The following EDNRB variants were observed in gnomAD, a reference collection of about 807,000 sequenced individuals.
EDNRB encodes Hirschsprung disease 2.
Under a neutral mutation model 46.4 loss-of-function variants are expected in EDNRB, and 18 were observed. That is an observed-to-expected ratio of 0.39 (90% CI 0.27 to 0.57). The LOEUF (loss-of-function observed/expected upper bound fraction) is 0.57, where lower values mean the gene tolerates loss of function less well. Ranked by LOEUF, EDNRB falls within the 20% of genes least tolerant of loss-of-function variation. The probability of loss-of-function intolerance (pLI) is 0.61; values close to 1 mark genes in which losing one functional copy is unlikely to be tolerated. For missense variants in EDNRB, 434 were observed against 537.5 expected (o/e 0.81, Z 1.90); for synonymous variants, 213 against 204.9 (o/e 1.04, Z -0.34).
At chr13:77,963,496 C>G in intron 1 of EDNRB, among the ~76,000 whole-genome samples, 1 of 152,028 alleles carries the variant, frequency 6.6e-6, no homozygotes, top group East Asian at 1.9e-4. Context: ...CTTTGATAAA[C>G]CTGAGAAAAA....
intron 1 of EDNRB, among the ~76,000 whole-genome samples, chr13:77,941,917 G>C (rs1880759733): frequency 6.6e-6 from 1 of 152,222 alleles, no homozygotes; most frequent in African/African-American, 2.4e-5. Context: ...TCAGTGCAGA[G>C]AGATGGAAGA....
At chr13:77,915,694 G>A (rs1879775795) in intron 1 of EDNRB, among the ~76,000 whole-genome samples, 1 of 152,194 alleles carries the variant, frequency 6.6e-6, no homozygotes. Flanking sequence ...CCATTATTAT[G>A]ATATTGTGTC....
At chr13:77,953,140 C>A (rs543945718) in intron 1 of EDNRB, among the ~76,000 whole-genome samples, 1 of 152,272 alleles carries the variant, frequency 6.6e-6, no homozygotes, top group African/African-American at 2.4e-5. Flanking sequence ...CTACCCCAAA[C>A]AACACCTCAG....
chr13:77,926,615 C>G (rs1164686082), intron 1 of EDNRB, among the ~76,000 whole-genome samples: 1 of 152,216 alleles, frequency 6.6e-6, no homozygotes. Flanking sequence ...CGACAAGTCT[C>G]TAGGAAGTTC....
intron 1 of EDNRB, among the ~76,000 whole-genome samples, chr13:77,965,313 A>G (rs2137689584): frequency 6.6e-6 from 1 of 152,314 alleles, no homozygotes; most frequent in Non-Finnish European, 1.5e-5. Context: ...AGTATTAGGG[A>G]TAAGTGTGAA....
rs199583819 is a variant in EDNRB at position 77,896,492 on chromosome 13, C to T, written c.*1708G>A. ...GGCCACATTGTTGGGTTTTGGTTTA[C>T]TGTACCATCACATTCAATATTGACA... On this transcript the variant is annotated 3_prime_UTR_variant, in exon 7 of 7. Transcript: ENST00000646607. 3.2e-5 allele frequency: 51 copies of T among 1,582,070 alleles called. No individual in the cohort carries two copies. The South Asian group carries it at 5.9e-4, about 18-fold the overall frequency.
intron 1 of EDNRB, among the ~76,000 whole-genome samples, chr13:77,947,334 C>A (rs892484266): frequency 6.7e-6 from 1 of 150,200 alleles, no homozygotes; most frequent in African/African-American, 2.5e-5. Context: ...CATGGTTTTG[C>A]CATGTTGGGC....
intron 1 of EDNRB, among the ~76,000 whole-genome samples, chr13:77,974,229 T>A (rs1484769473): frequency 6.6e-6 from 1 of 152,172 alleles, no homozygotes; most frequent in Non-Finnish European, 1.5e-5. Context: ...AGTAAGCTAC[T>A]TTTTTGCTTT....
rs1880482540 is a variant in EDNRB, at chr13:77,934,130, G to A, written c.-51-15506C>T. Among the ~76,000 whole-genome samples the A allele has an allele frequency of 5.3e-5, 8 of 152,216 alleles. 1 individual carries two copies. The highest frequency in any genetic ancestry group is 5.2e-4 in the Admixed American group (8 of 15,278). ...CAGCGTAAACCATCAGTGTAATCAA[G>A]AGCAGGGCATGTATGCGTAGTTGAG... On this transcript the variant is annotated intron_variant, in intron 1 of 7. Transcript: ENST00000646948.
chr13:77,936,135 C>T (rs1880555972), intron 1 of EDNRB, among the ~76,000 whole-genome samples: 2 of 151,878 alleles, frequency 1.3e-5, no homozygotes, highest in African/African-American at 2.4e-5. Flanking sequence ...CATGATCAGT[C>T]GCTAAGGAGG....
At chr13:77,968,809 T>C (rs1276809810) in intron 1 of EDNRB, among the ~76,000 whole-genome samples, 1 of 152,182 alleles carries the variant, frequency 6.6e-6, no homozygotes, top group Non-Finnish European at 1.5e-5. Flanking sequence ...TTTATTCTGA[T>C]ACACAGGCAA....
intron 1 of EDNRB, among the ~76,000 whole-genome samples, chr13:77,965,471 A>G (rs575334266): frequency 6.6e-6 from 1 of 152,314 alleles, no homozygotes. Flanking sequence ...TGTGGAGAGC[A>G]GAAAGATATG....
chr13:77,944,182 G>A (rs1447830769), intron 1 of EDNRB, among the ~76,000 whole-genome samples: 1 of 152,080 alleles, frequency 6.6e-6, no homozygotes, highest in Non-Finnish European at 1.5e-5. Flanking sequence ...CAGGTTGTAT[G>A]ACCAGACATA....
intron 1 of EDNRB, among the ~76,000 whole-genome samples, chr13:77,952,793 T>C (rs1398201556): frequency 6.6e-6 from 1 of 152,220 alleles, no homozygotes; most frequent in African/African-American, 2.4e-5. Flanking sequence ...TGTATTGCTC[T>C]GTAGATTGAT....
chr13:77,949,760 G>C (rs1015827718), intron 1 of EDNRB, among the ~76,000 whole-genome samples: 1 of 152,172 alleles, frequency 6.6e-6, no homozygotes, highest in Non-Finnish European at 1.5e-5. Flanking sequence ...CAGATACAGA[G>C]CACAGGATCT....
Position 77,900,534 on chromosome 13 carries a change from A to T in EDNRB, c.1072T>A (p.Cys358Ser). 1 of 1,612,452 alleles carries T rather than the reference A, an allele frequency of 6.2e-7. No homozygotes were observed. The highest frequency in any genetic ancestry group is 8.5e-7 in the Non-Finnish European group (1 of 1,178,962). ...TGCCTTTCTTACCTCAAAAGTTCAC[A>T]TCTATTGGGATCATTCTGATTATAA... ...TLYNQNDPNR[C>S]ELLSFLLVLD... Residue 358 changes from cysteine to serine, a missense_variant, in exon 5 of 7, where the codon TGT becomes AGT. Physicochemically the swap from Cys to Ser is moderately radical, Grantham distance 112 (BLOSUM62 -1). Coordinates refer to ENST00000646607, the MANE Select transcript of EDNRB (RefSeq NM_001122659.3).
At chr13:77,945,282 T>G (rs925040322) in intron 1 of EDNRB, among the ~76,000 whole-genome samples, 6 of 152,190 alleles carry the variant, frequency 3.9e-5, no homozygotes, top group African/African-American at 1.4e-4. Context: ...AAACTAAAAC[T>G]CTAGGAAGAT....
At chr13:77,899,388 A>G (rs973089074) in intron 6 of EDNRB, 16 of 164,208 alleles carry the variant, frequency 9.7e-5, no homozygotes, top group Non-Finnish European at 3.8e-5. Context: ...CTGTTATACA[A>G]AAAAGGAAGA....
chr13:77,929,368 T>C (rs1880323284), intron 1 of EDNRB, among the ~76,000 whole-genome samples: 1 of 152,208 alleles, frequency 6.6e-6, no homozygotes, highest in African/African-American at 2.4e-5. Context: ...TCTATACATA[T>C]GTGAGAATAT....
Sources: gnomAD v4.1 joint callset for allele counts (sites outside exome capture counted in the v4.1 genomes callset) on GRCh38, gnomAD v4.1.1 for gene constraint, MANE v1.5 for transcripts, NCBI Gene and HGNC (gene_info 2026-07-23, HGNC 2026-07-21) for gene names.